The following CCDC7 variants were observed in gnomAD, a reference collection of about 807,000 sequenced individuals.
CCDC7 encodes the protein coiled-coil domain containing 7, also known as coiled-coil domain-containing protein 7.
A neutral mutation model predicts 196.9 loss-of-function variants in CCDC7; 183 were observed. The ratio of observed to expected loss-of-function variants is 0.93; its 90% CI spans 0.82 to 1.05. The LOEUF is 1.05. CCDC7 is among the 50% of genes least tolerant of loss of function. CCDC7 has a pLI of 0.00. For synonymous variants in CCDC7, 525 were observed against 484.6 expected (o/e 1.08, Z -1.10); for missense variants, 1,540 against 1,482.2 (o/e 1.04, Z -0.64).
chr10:32,700,178 AT>A (rs1161028958), intron 24 of CCDC7, among the ~76,000 whole-genome samples: 6 of 149,400 alleles, frequency 4.0e-5, no homozygotes, highest in Admixed American at 2.0e-4. Context: ...TAGGGTTTTT[AT>A]GGTTTTAGGT....
At chr10:32,562,267 T>C (rs955674836) in intron 13 of CCDC7, among the ~76,000 whole-genome samples, 5 of 151,954 alleles carry the variant, frequency 3.3e-5, no homozygotes, top group African/African-American at 1.2e-4. Flanking sequence ...TTCCAATCAA[T>C]AGAAAAAGAG....
chr10:32,828,515 A>AGAGGAAGAGGAAGAGGAAGAGGAAGAG (rs2091690525), intron 32 of CCDC7, among the ~76,000 whole-genome samples: 15 of 146,010 alleles, frequency 1.0e-4, no homozygotes, highest in African/African-American at 2.3e-4. Context: ...AAGAAGAAGA[A>AGAGGAAGAGGAAGAGGAAGAGGAAGAG]GAAGAAGAAG....
At chr10:32,484,963 C>T (rs2040726822) in intron 8 of CCDC7, among the ~76,000 whole-genome samples, 1 of 152,038 alleles carries the variant, frequency 6.6e-6, no homozygotes, top group African/African-American at 2.4e-5. Context: ...AATTCTCTTT[C>T]TTTGTTGTGT....
At chr10:32,774,109 A>G (rs2079584710) in intron 28 of CCDC7, among the ~76,000 whole-genome samples, 1 of 152,174 alleles carries the variant, frequency 6.6e-6, no homozygotes, top group Non-Finnish European at 1.5e-5. Context: ...GATCAAGAGG[A>G]GGCTTCACAT....
chr10:32,850,594 T>C (rs371683077), intron 39 of CCDC7, among the ~76,000 whole-genome samples: 1 of 152,182 alleles, frequency 6.6e-6, no homozygotes, highest in African/African-American at 2.4e-5. Context: ...AGAATATTCA[T>C]GGCCCTCCCA....
In CCDC7 at chr10:32,583,335, T is replaced by C. The variant is rs2058923515; in HGVS notation, c.1728+28T>C. Reference sequence around the variant, plus strand: ...ATGATATATATAGAAACTTGAAAGCTGTTTATTTCATATTGCTCCTTCAAT... The same window carrying C: ...ATGATATATATAGAAACTTGAAAGCCGTTTATTTCATATTGCTCCTTCAAT... On this transcript the variant is annotated intron_variant, in intron 17 of 41. Coordinates refer to ENST00000639629, the Ensembl canonical transcript of CCDC7. 4 of 1,196,526 alleles carry C rather than the reference T, an allele frequency of 3.3e-6. No individual in the cohort carries two copies. In the Admixed American group the frequency reaches 1.3e-4, roughly 38 times the overall value. 74.1% of individuals were successfully genotyped at this position (1,196,526 alleles called of 1,614,324 possible).
chr10:32,772,901 G>C (rs1052918306), intron 28 of CCDC7, among the ~76,000 whole-genome samples: 8 of 152,106 alleles, frequency 5.3e-5, no homozygotes, highest in African/African-American at 1.9e-4. Context: ...GTAGGCTGCA[G>C]CCTTTTGCTT....
chr10:32,786,489 G>A (rs2081900737), intron 29 of CCDC7, among the ~76,000 whole-genome samples: 2 of 152,232 alleles, frequency 1.3e-5, no homozygotes, highest in Admixed American at 6.5e-5. Context: ...GCCAGGGTAT[G>A]GTGGCTTATG....
intron 11 of CCDC7, among the ~76,000 whole-genome samples, chr10:32,541,610 A>G (rs1157854157): frequency 4.6e-5 from 7 of 152,244 alleles, no homozygotes; most frequent in Non-Finnish European, 8.8e-5. Context: ...GCAAGAATAC[A>G]TGGATAAATC....
intron 8 of CCDC7, among the ~76,000 whole-genome samples, chr10:32,489,509 T>TGGGCAA (rs1289053615): frequency 6.6e-6 from 1 of 152,190 alleles, no homozygotes; most frequent in East Asian, 1.9e-4. Flanking sequence ...TTCAGGGCCC[T>TGGGCAA]GGGCAAGGCT....
At chr10:32,700,308 G>C (rs2078467160) in intron 24 of CCDC7, among the ~76,000 whole-genome samples, 1 of 149,374 alleles carries the variant, frequency 6.7e-6, no homozygotes, top group African/African-American at 2.6e-5. Flanking sequence ...TTATTAACTA[G>C]GGAATCCTTT....
At chr10:32,667,751 A>G (rs976461160) in intron 21 of CCDC7, among the ~76,000 whole-genome samples, 3 of 152,112 alleles carry the variant, frequency 2.0e-5, no homozygotes, top group African/African-American at 7.2e-5. Context: ...TACCAGCACC[A>G]TGCTCTTTTG....
At chr10:32,471,252 A>C in intron 6 of CCDC7, 22 bp downstream of exon 7, 1 of 1,598,414 alleles carries the variant, frequency 6.3e-7, no homozygotes, top group Non-Finnish European at 8.5e-7. Flanking sequence ...ATAAGAACTA[A>C]TTGAATTAAA....
At chr10:32,474,819 G>T (rs969960648) in intron 8 of CCDC7, among the ~76,000 whole-genome samples, 2 of 152,180 alleles carry the variant, frequency 1.3e-5, no homozygotes, top group South Asian at 4.1e-4. Context: ...GGGCTGGAGA[G>T]AATTTTGAAA....
intron 16 of CCDC7, among the ~76,000 whole-genome samples, chr10:32,582,137 T>TATAC (rs2058804735): frequency 7.6e-6 from 1 of 132,324 alleles, no homozygotes; most frequent in African/African-American, 2.7e-5. Context: ...TATATATATA[T>TATAC]ATACTTTTTT....
At chr10:32,657,651 G>A (rs7477372) in intron 20 of CCDC7, among the ~76,000 whole-genome samples, 20,987 of 152,192 alleles carry the variant, frequency 0.14, 1,751 homozygotes, top group East Asian at 0.25. Flanking sequence ...CTCTGGGCCT[G>A]TGATGGGAGG....
chr10:32,486,133 C>A (rs1210071322), intron 8 of CCDC7, among the ~76,000 whole-genome samples: 2 of 152,048 alleles, frequency 1.3e-5, no homozygotes, highest in Non-Finnish European at 2.9e-5. Context: ...TGGGAGTCTA[C>A]ATCTCTTTCT....
Position 32,490,628 on chromosome 10 carries a change from C to G in CCDC7, c.797-1294C>G, listed in dbSNP as rs577958733. On this transcript the variant is annotated intron_variant, in intron 8 of 41. Coordinates refer to ENST00000639629, the Ensembl canonical transcript of CCDC7. ...TGGCTAACACAGTGAAACCCTGTCT[C>G]TACTAAAAATACAAAAAAATTACCT... is the stretch of plus-strand genomic sequence containing the variant. Among the ~76,000 whole-genome samples, 104 of 152,148 alleles carry G rather than the reference C, an allele frequency of 6.8e-4. 1 individual carries two copies. The Middle Eastern group carries it at 0.014, about 20-fold the overall frequency.
intron 41 of CCDC7, among the ~76,000 whole-genome samples, chr10:32,855,664 G>C (rs1025184517): frequency 2.6e-5 from 4 of 152,194 alleles, no homozygotes; most frequent in African/African-American, 9.7e-5. Flanking sequence ...AAACACAGAT[G>C]AAGCTTCCCT....
Sources: allele counts gnomAD v4.1 joint callset (sites outside exome capture counted in the v4.1 genomes callset), GRCh38; gene constraint gnomAD v4.1.1; transcripts MANE v1.5; gene names NCBI Gene and HGNC (gene_info 2026-07-23, HGNC 2026-07-21).